FABP4: variants seen among roughly 807,000 people sequenced by gnomAD.
FABP4 encodes fatty acid binding protein 4.
Under a neutral mutation model 14.6 loss-of-function variants are expected in FABP4, and 17 were observed. The ratio of observed to expected loss-of-function variants is 1.16; its 90% CI spans 0.80 to 1.74. FABP4 has a LOEUF of 1.74. Ranked by LOEUF, FABP4 falls within the 40% of genes most tolerant of loss-of-function variation. FABP4 has a pLI of 0.00. For synonymous variants in FABP4, 54 were observed against 54.6 expected (o/e 0.99, Z 0.05); for missense variants, 149 against 160.3 (o/e 0.93, Z 0.38).
intron 3 of FABP4, 125 bp from the exon 4 acceptor site, chr8:81,479,040 A>G (rs1808019979): frequency 1.1e-5 from 9 of 783,006 alleles, no homozygotes; most frequent in Non-Finnish European, 1.7e-5. Flanking sequence ...ACTCCTATAT[A>G]TGTAACCCAT....
chr8:81,480,580 C>T lies in FABP4; in HGVS notation c.92G>A (p.Arg31Lys). 1 of 1,611,910 alleles carries T rather than the reference C, an allele frequency of 6.2e-7. No individual in the cohort carries two copies. The highest frequency in any genetic ancestry group is 8.5e-7 in the Non-Finnish European group (1 of 1,178,998). The change falls in exon 2 of 4, where the codon AGG becomes AAG. Residue 31 changes from arginine (R) to lysine (K), a missense_variant. Coordinates refer to ENST00000256104, the MANE Select transcript of FABP4 (RefSeq NM_001442.3). ...MKEVGVGFATRKVAGMAKPNM... is the reference protein window; with the variant it reads ...MKEVGVGFATKKVAGMAKPNM... ...AGGTTTGGCCATGCCAGCCACTTTC[C>T]TGGTGGCAAAGCCCACTCCTACAGT...
At position 81,480,569 on chromosome 8, in the gene FABP4, C is replaced by A; in HGVS notation, c.103G>T (p.Gly35Cys). ...ATGATCATGTTAGGTTTGGCCATGC[C>A]AGCCACTTTCCTGGTGGCAAAGCCC... ...GVGFATRKVA[G>C]MAKPNMIISV... The change falls in exon 2 of 4, where the codon GGC becomes TGC. Residue 35 changes from glycine to cysteine, a missense_variant. Coordinates refer to ENST00000256104, the MANE Select transcript of FABP4 (RefSeq NM_001442.3). The A allele has an allele frequency of 6.2e-7, 1 of 1,611,800 alleles. No homozygotes were observed. Among genetic ancestry groups the A allele is most frequent in the East Asian group, 2.2e-5 (1 of 44,812 alleles).
chr8:81,478,861 T>G lies in FABP4; in HGVS notation c.*4A>C. 6.2e-7 allele frequency: 1 copy of G among 1,612,756 alleles called. No individual in the cohort carries two copies. Among genetic ancestry groups the G allele is most frequent in the Admixed American group, 1.7e-5 (1 of 59,934 alleles). The stretch of plus-strand genomic sequence containing the variant: ...AACTTCAGTCCAGGTCAACGTCCCT[T>G]GGCTTATGCTCTCTCATAAACTCTC... On this transcript the variant is annotated 3_prime_UTR_variant, in exon 4 of 4. Coordinates refer to ENST00000256104, the MANE Select transcript of FABP4 (RefSeq NM_001442.3).
chr8:81,479,429 A>T lies in FABP4; in HGVS notation c.333T>A (p.Asp111Glu), dbSNP rs148249848. Residue 111 changes from aspartate to glutamate, a missense_variant, in exon 3 of 4, where the codon GAT (aspartate) becomes GAA (glutamate). Asp to Glu is a conservative substitution (Grantham distance 45). Transcript: ENST00000256104. ...AGATACTCACCACCACCAGTTTATC[A>T]TCCTCTCGTTTTCTCTTTATGGTGG... ...KSTTIKRKRE[D>E]DKLVVECVMK... 1.3e-4 allele frequency: 209 copies of T among 1,613,170 alleles called. 2 individuals are homozygous for T. In the African/African-American group the frequency reaches 1.5e-3, roughly 12 times the overall value.
Position 81,480,616 on chromosome 8 carries a change from A to G in FABP4, c.74-18T>C. 6.3e-7 allele frequency: 1 copy of G among 1,596,184 alleles called. No homozygotes were observed. Among genetic ancestry groups the G allele is most frequent in the Non-Finnish European group, 8.5e-7 (1 of 1,171,146 alleles). Reference sequence around the variant, plus strand: ...GCCCACTCCTACAGTTAGGAAAAGAAAAGATGTCAGATTTACATTTTCTCT... The same window carrying G: ...GCCCACTCCTACAGTTAGGAAAAGAGAAGATGTCAGATTTACATTTTCTCT... On this transcript the variant is annotated intron_variant, in intron 1 of 3. Coordinates refer to ENST00000256104, the MANE Select transcript of FABP4 (RefSeq NM_001442.3).
rs540850051 is a variant in FABP4 at position 81,480,365 on chromosome 8, C to A, written c.246+61G>T. 150 of 1,476,710 alleles carry A rather than the reference C, an allele frequency of 1.0e-4. No homozygotes were observed. The African/African-American group carries it at 1.7e-3, about 17-fold the overall frequency. 91.5% of individuals were successfully genotyped at this position (1,476,710 alleles called of 1,614,324 possible). On this transcript the variant is annotated intron_variant, in intron 2 of 3. Coordinates refer to ENST00000256104, the MANE Select transcript of FABP4 (RefSeq NM_001442.3). ...TCCTCCTTTTATCATAAAATGATTT[C>A]TTATAGCAGTGGTGATTTAGAAACC...
rs1357043193 is a variant in FABP4 at position 81,478,776 on chromosome 8, G to T, written c.*89C>A. The T allele has an allele frequency of 1.6e-6, 2 of 1,224,428 alleles. No individual in the cohort carries two copies. Among genetic ancestry groups the T allele is most frequent in the East Asian group, 2.4e-5 (1 of 41,764 alleles). 75.8% of individuals were successfully genotyped at this position (1,224,428 alleles called of 1,614,324 possible). On this transcript the variant is annotated 3_prime_UTR_variant, in exon 4 of 4. Coordinates refer to ENST00000256104, the MANE Select transcript of FABP4 (RefSeq NM_001442.3). Reference sequence around the variant, plus strand: ...GAAAATTAGTTGCTTGCTAAATCATGGAAAACAACAATATCTTTTTGAACA... The same window carrying T: ...GAAAATTAGTTGCTTGCTAAATCATTGAAAACAACAATATCTTTTTGAACA...
intron 3 of FABP4, among the ~76,000 whole-genome samples, 157 bp downstream of exon 3, chr8:81,479,257 A>AGCAT (rs1563527594): frequency 6.6e-6 from 1 of 152,224 alleles, no homozygotes; most frequent in Non-Finnish European, 1.5e-5. Flanking sequence ...TGAACTCAAA[A>AGCAT]GCATGAAGGG....
intron 1 of FABP4, among the ~76,000 whole-genome samples, chr8:81,482,270 A>T (rs1244798452): frequency 6.6e-6 from 1 of 152,190 alleles, no homozygotes. Flanking sequence ...TGCTAACCCC[A>T]GTTCTGACTT....
At position 81,480,570 on chromosome 8, in the gene FABP4, A is replaced by T; in HGVS notation, c.102T>A (p.Ala34=). The T allele has an allele frequency of 6.2e-7, 1 of 1,612,164 alleles. No individual in the cohort carries two copies. Among genetic ancestry groups the T allele is most frequent in the South Asian group, 1.1e-5 (1 of 90,520 alleles). The stretch of plus-strand genomic sequence containing the variant: ...TGATCATGTTAGGTTTGGCCATGCC[A>T]GCCACTTTCCTGGTGGCAAAGCCCA... The part of the protein sequence containing the change: ...VGVGFATRKV[A]GMAKPNMIIS... The change falls in exon 2 of 4, where the codon GCT becomes GCA. Residue 34 remains alanine (A), a synonymous_variant. Coordinates refer to ENST00000256104, the MANE Select transcript of FABP4 (RefSeq NM_001442.3).
In FABP4 at chr8:81,478,799, A is replaced by G; in HGVS notation, c.*66T>C. 1.5e-6 allele frequency: 2 copies of G among 1,367,404 alleles called. No individual in the cohort carries two copies. The highest frequency in any genetic ancestry group is 2.7e-5 in the South Asian group (2 of 74,738). 84.7% of individuals were successfully genotyped at this position (1,367,404 alleles called of 1,614,324 possible). On this transcript the variant is annotated 3_prime_UTR_variant, in exon 4 of 4. Coordinates refer to ENST00000256104, the MANE Select transcript of FABP4 (RefSeq NM_001442.3). ...ATGGAAAACAACAATATCTTTTTGAACAATATATCCCACAGAATGTTGTAG... is the reference window on the plus strand; with the variant it reads ...ATGGAAAACAACAATATCTTTTTGAGCAATATATCCCACAGAATGTTGTAG...
chr8:81,479,092 C>A (rs989906411), intron 3 of FABP4, among the ~76,000 whole-genome samples, 177 bp from the exon 4 acceptor site: 13 of 152,020 alleles, frequency 8.6e-5, no homozygotes, highest in Admixed American at 7.2e-4. Context: ...CAGGAAAATA[C>A]AAGTTTTCCC....
chr8:81,482,241 A>C (rs913533052), intron 1 of FABP4, among the ~76,000 whole-genome samples: 1 of 152,190 alleles, frequency 6.6e-6, no homozygotes, highest in African/African-American at 2.4e-5. Flanking sequence ...CTAAGATTGC[A>C]TAAAATTCCT....
chr8:81,479,121 C>T (rs1198212245), intron 3 of FABP4, among the ~76,000 whole-genome samples: 1 of 152,090 alleles, frequency 6.6e-6, no homozygotes, highest in Non-Finnish European at 1.5e-5. Context: ...GCCTTAAAAT[C>T]TGTATGGTGA....
At position 81,479,413 on chromosome 8, in the gene FABP4, C is replaced by T. The variant is rs1019438909; in HGVS notation, c.348+1G>A. The stretch of plus-strand genomic sequence containing the variant: ...GAATTAAGTAGCTAGAAGATACTCA[C>T]CACCACCAGTTTATCATCCTCTCGT... On this transcript the variant is annotated splice_donor_variant, in intron 3 of 3. Transcript: ENST00000256104. LOFTEE classifies it high-confidence loss of function. 1.2e-6 allele frequency: 2 copies of T among 1,609,868 alleles called. No homozygotes were observed.
Position 81,480,407 on chromosome 8 carries a change from C to T in FABP4, c.246+19G>A. The T allele has an allele frequency of 6.2e-7, 1 of 1,610,660 alleles. No individual in the cohort carries two copies. Among genetic ancestry groups the T allele is most frequent in the Non-Finnish European group, 8.5e-7 (1 of 1,177,956 alleles). The stretch of plus-strand genomic sequence containing the variant: ...TTAGAAACCAGGCATGTACTCTGTG[C>T]CACTTCCTTATTTCTCACCTTGACT... On this transcript the variant is annotated intron_variant, in intron 2 of 3. Coordinates refer to ENST00000256104, the MANE Select transcript of FABP4 (RefSeq NM_001442.3).
At chr8:81,478,966 T>G (rs758034773) in intron 3 of FABP4, 51 bp from the exon 4 acceptor site, 2 of 1,437,788 alleles carry the variant, frequency 1.4e-6, no homozygotes, top group Non-Finnish European at 9.8e-7. Flanking sequence ...ACCATGGATT[T>G]ATTTATTGTC....
Position 81,478,807 on chromosome 8 carries a change from T to C in FABP4, c.*58A>G. On this transcript the variant is annotated 3_prime_UTR_variant, in exon 4 of 4. Coordinates refer to ENST00000256104, the MANE Select transcript of FABP4 (RefSeq NM_001442.3). ...CAACAATATCTTTTTGAACAATATA[T>C]CCCACAGAATGTTGTAGAGTTCAAT... 3 of 1,413,670 alleles carry C rather than the reference T, an allele frequency of 2.1e-6. No homozygotes were observed. The highest frequency in any genetic ancestry group is 4.6e-5 in the East Asian group (2 of 43,532). The allele number at this position is 1,413,670 out of a possible 1,614,324, so 87.6% of individuals were successfully genotyped here.
intron 3 of FABP4, among the ~76,000 whole-genome samples, chr8:81,479,192 T>G (rs1808022577): frequency 6.6e-6 from 1 of 152,052 alleles, no homozygotes; most frequent in African/African-American, 2.4e-5. Context: ...GGAGACAGCC[T>G]TAGGATGCCT....
Sources: allele counts gnomAD v4.1 joint callset (sites outside exome capture counted in the v4.1 genomes callset), GRCh38; gene constraint gnomAD v4.1.1; transcripts MANE v1.5; gene names NCBI Gene and HGNC (gene_info 2026-07-23, HGNC 2026-07-21).